Variants in POLR1A observed in about 807,000 individuals in gnomAD.
The protein encoded by POLR1A is DNA-directed RNA polymerase I subunit RPA1.
A neutral mutation model predicts 205.3 loss-of-function variants in POLR1A; 84 were observed. The observed-to-expected ratio is 0.41, with a 90% confidence interval of 0.34 to 0.49. POLR1A has a LOEUF of 0.49. Among genes scored for constraint, POLR1A ranks in the 20% least tolerant of loss-of-function variants. The pLI is 0.22. For missense variants in POLR1A, 1,645 were observed against 2,204.5 expected (o/e 0.75, Z 5.08); for synonymous variants, 799 against 863.7 (o/e 0.93, Z 1.31).
At position 86,070,569 on chromosome 2, in the gene POLR1A, T is replaced by G. The variant is rs760803115; in HGVS notation, c.1612-297A>C. Among the ~76,000 whole-genome samples the G allele has an allele frequency of 1.6e-4, 25 of 152,218 alleles. No homozygotes were observed. The highest frequency in any genetic ancestry group is 3.4e-3 in the Middle Eastern group (1 of 294). ...TCAGAGATGCATAGCCGTCCCAGGT[T>G]TCTGGATTACTCTGAAAACTAATCC... On this transcript the variant is annotated intron_variant, in intron 12 of 33. Coordinates refer to ENST00000263857, the MANE Select transcript of POLR1A (RefSeq NM_015425.6). The surrounding 1 kb of genome is among the most constrained non-coding windows in gnomAD (Gnocchi z 4.4).
At chr2:86,045,154 A>G in intron 21 of POLR1A, 124 bp downstream of exon 21, 1 of 657,410 alleles carries the variant, frequency 1.5e-6, no homozygotes, top group Admixed American at 2.7e-5. Flanking sequence ...CAGGCCATTC[A>G]TGGAAACTTT....
In POLR1A at chr2:86,068,235, C is replaced by A. The variant is rs142487684; in HGVS notation, c.1866+1783G>T. Among the ~76,000 whole-genome samples the A allele has an allele frequency of 5.3e-3, 805 of 152,256 alleles. 10 individuals carry two copies. The highest frequency in any genetic ancestry group is 0.018 in the African/African-American group (749 of 41,540). On this transcript the variant is annotated intron_variant, in intron 13 of 33. Transcript: ENST00000263857. ...CAGCAAAAAACCATCTGCTGCTCCC[C>A]GGTAGTGTCCCCTCTGGTGAAATAT...
chr2:86,047,292 T>C, intron 18 of POLR1A, 29 bp from the exon 19 acceptor site: 3 of 1,440,556 alleles, frequency 2.1e-6, no homozygotes, highest in Non-Finnish European at 2.9e-6. Context: ...CAGTGGTCAG[T>C]GACTTCACCT....
intron 13 of POLR1A, 178 bp from the exon 14 acceptor site, chr2:86,065,643 T>A: frequency 1.6e-6 from 1 of 609,788 alleles, no homozygotes; most frequent in Non-Finnish European, 2.9e-6. Flanking sequence ...CCAAAGCACA[T>A]GACCAGGGTT....
Position 86,089,888 on chromosome 2 carries a change from C to T in POLR1A, c.474G>A (p.Arg158=). ...CAGTTGTGTATTGTTCTAATTCCTCCCGAATTTCAGAGGCAGAGGGATCGG... is the reference window on the plus strand; with the variant it reads ...CAGTTGTGTATTGTTCTAATTCCTCTCGAATTTCAGAGGCAGAGGGATCGG... ...ENPDPSASEI[R]EELEQYTTEI... is the part of the protein sequence containing the mutation. The change falls in exon 4 of 34, where the codon CGG becomes CGA. Residue 158 remains arginine, a synonymous_variant. Coordinates refer to ENST00000263857, the MANE Select transcript of POLR1A (RefSeq NM_015425.6). 2 of 1,612,624 alleles carry T rather than the reference C, an allele frequency of 1.2e-6. No homozygotes were observed. The highest frequency in any genetic ancestry group is 2.2e-5 in the East Asian group (1 of 44,876).
At position 86,027,373 on chromosome 2, in the gene POLR1A, C is replaced by T. The variant is rs375224160; in HGVS notation, c.*50G>A. On this transcript the variant is annotated 3_prime_UTR_variant, in exon 34 of 34. Transcript: ENST00000263857. ...CTCATGCAGAAGGCAGGCTGGGCCA[C>T]GCCCTCACCAAGGGTCCTTGGAGCT... 26 of 1,460,626 alleles carry T rather than the reference C, an allele frequency of 1.8e-5. No homozygotes were observed. The highest frequency in any genetic ancestry group is 5.0e-5 in the Admixed American group (3 of 59,822). 90.5% of individuals were successfully genotyped at this position (1,460,626 alleles called of 1,614,324 possible).
intron 16 of POLR1A, among the ~76,000 whole-genome samples, chr2:86,049,986 C>T (rs924340498): frequency 9.9e-5 from 15 of 151,102 alleles, no homozygotes; most frequent in Non-Finnish European, 1.6e-4. Flanking sequence ...GGTGTGATCT[C>T]GGCTCACTGC....
intron 9 of POLR1A, among the ~76,000 whole-genome samples, chr2:86,080,115 G>A (rs1046986409): frequency 2.6e-5 from 4 of 152,076 alleles, no homozygotes; most frequent in South Asian, 2.1e-4. Context: ...CGGGACTGTC[G>A]CAGCGGCTGG....
At chr2:86,052,679 G>C (rs1672824134) in intron 16 of POLR1A, 138 bp downstream of exon 16, 2 of 642,312 alleles carry the variant, frequency 3.1e-6, no homozygotes, top group African/African-American at 1.9e-5. Flanking sequence ...TGGGGACCTG[G>C]AAAGACTTCT....
intron 16 of POLR1A, among the ~76,000 whole-genome samples, chr2:86,050,946 C>T (rs1672791719): frequency 6.6e-6 from 1 of 152,184 alleles, no homozygotes; most frequent in African/African-American, 2.4e-5. Context: ...AGGTGAGTTT[C>T]AGCTGCCAAA....
Position 86,100,049 on chromosome 2 carries a change from G to A in POLR1A, c.201C>T (p.Cys67=), listed in dbSNP as rs1209136092. 1.2e-6 allele frequency: 2 copies of A among 1,614,166 alleles called. No individual in the cohort carries two copies. Among genetic ancestry groups the A allele is most frequent in the East Asian group, 2.2e-5 (1 of 44,878 alleles). ...CAGAACAGTTGCTGAAGTCCTGCAC[G>A]CAGGTGGAGCACACCTCTTTGGAAT... The part of the protein sequence containing the change: ...PADSKEVCST[C]VQDFSNCSGH... The change falls in exon 2 of 34, where the codon TGC becomes TGT. Residue 67 remains cysteine (C), a synonymous_variant. Transcript: ENST00000263857.
rs1029922467 is a variant in POLR1A at position 86,022,189 on chromosome 2, G to A, written c.*5234C>T. The A allele has an allele frequency of 2.0e-5, 3 of 152,238 alleles. No individual in the cohort carries two copies. The highest frequency in any genetic ancestry group is 4.8e-5 in the African/African-American group (2 of 41,444). 9.4% of individuals were successfully genotyped at this position (152,238 alleles called of 1,614,324 possible). ...GACAAATGGCCTCGCTTGCTGTGCT[G>A]GGCTGGCAGAGCTGCAGGCCTCCAG... is the stretch of plus-strand genomic sequence containing the variant. On this transcript the variant is annotated 3_prime_UTR_variant, in exon 34 of 34. Coordinates refer to ENST00000263857, the MANE Select transcript of POLR1A (RefSeq NM_015425.6).
At chr2:86,076,595 C>T (rs544958330) in intron 11 of POLR1A, among the ~76,000 whole-genome samples, 8 of 152,340 alleles carry the variant, frequency 5.3e-5, no homozygotes, top group South Asian at 2.1e-4. Context: ...GGAATACCTA[C>T]GCCCCAGGCC....
chr2:86,042,281 T>C (rs1183732361), intron 23 of POLR1A, among the ~76,000 whole-genome samples, 178 bp from the exon 24 acceptor site: 1 of 152,180 alleles, frequency 6.6e-6, no homozygotes, highest in Non-Finnish European at 1.5e-5. Context: ...GCACCCTGCT[T>C]GACTATAAGC....
chr2:86,035,682 G>T (rs1266387969), intron 27 of POLR1A, among the ~76,000 whole-genome samples: 1 of 152,164 alleles, frequency 6.6e-6, no homozygotes, highest in Non-Finnish European at 1.5e-5. Context: ...TGCACCCTTT[G>T]GGCCTTTGCT....
At chr2:86,040,362 C>A (rs1440572128) in intron 25 of POLR1A, 30 bp downstream of exon 25, 31 of 1,552,374 alleles carry the variant, frequency 2.0e-5, no homozygotes, top group Admixed American at 5.7e-5. Context: ...CTAGGACAGA[C>A]CCCACCCTGT....
Position 86,028,084 on chromosome 2 carries a change from G to T in POLR1A, c.4898-35C>A. ...GGGAGGTAAAATTAGGAGGGATTAA[G>T]CAGTGACCACGGGAGCAGTCAGCAG... On this transcript the variant is annotated intron_variant, in intron 32 of 33. Coordinates refer to ENST00000263857, the MANE Select transcript of POLR1A (RefSeq NM_015425.6). The surrounding 1 kb of genome is among the most constrained non-coding windows in gnomAD (Gnocchi z 4.5). 1 of 1,609,734 alleles carries T rather than the reference G, an allele frequency of 6.2e-7. No homozygotes were observed. Among genetic ancestry groups the T allele is most frequent in the Non-Finnish European group, 8.5e-7 (1 of 1,176,168 alleles).
intron 28 of POLR1A, 75 bp from the exon 29 acceptor site, chr2:86,032,457 C>CA: frequency 9.5e-7 from 1 of 1,055,664 alleles, no homozygotes; most frequent in Admixed American, 1.7e-5. Context: ...ATCCACCCAC[C>CA]AACCCATCCA....
chr2:86,053,333 T>C (rs976767044), intron 15 of POLR1A, among the ~76,000 whole-genome samples: 1 of 151,972 alleles, frequency 6.6e-6, no homozygotes, highest in Non-Finnish European at 1.5e-5. Context: ...CCACGCTGAC[T>C]TGAGGTCAAG....
Sources: allele counts gnomAD v4.1 joint callset (sites outside exome capture counted in the v4.1 genomes callset), GRCh38; gene constraint gnomAD v4.1.1; non-coding constraint Gnocchi (gnomAD v3.1); transcripts MANE v1.5; gene names NCBI Gene and HGNC (gene_info 2026-07-23, HGNC 2026-07-21).